POU2AF3: variants seen among roughly 807,000 people sequenced by gnomAD.
POU2AF3 encodes the protein POU class 2 homeobox associating factor 3.
chr11:111,302,774 T>G, the POU2AF3 span, among the ~76,000 whole-genome samples: 14 of 152,202 alleles, frequency 9.2e-5, no homozygotes, highest in Non-Finnish European at 1.5e-4. Flanking sequence ...ACGCATATAA[T>G]TTAATTACAA....
the POU2AF3 span, among the ~76,000 whole-genome samples, chr11:111,303,495 A>C: frequency 6.6e-6 from 1 of 152,204 alleles, no homozygotes; most frequent in Non-Finnish European, 1.5e-5. Context: ...ATCAAGTAGG[A>C]TATTGTAAAC....
the POU2AF3 span, chr11:111,304,896 C>A: frequency 3.3e-6 from 4 of 1,213,920 alleles, no homozygotes; most frequent in Non-Finnish European, 4.1e-6. Flanking sequence ...TTTCTTTCAG[C>A]CTGCTTCACG....
the POU2AF3 span, chr11:111,305,073 G>C: frequency 1.4e-6 from 1 of 718,994 alleles, no homozygotes; most frequent in African/African-American, 1.8e-5. Context: ...GGTTAAGATA[G>C]GCACCACCAT....
At chr11:111,302,862 T>C in the POU2AF3 span, among the ~76,000 whole-genome samples, 1 of 152,170 alleles carries the variant, frequency 6.6e-6, no homozygotes, top group Non-Finnish European at 1.5e-5. Context: ...GCGTACTTAG[T>C]AGGCAAGGGT....
chr11:111,301,357 C>G, the POU2AF3 span, among the ~76,000 whole-genome samples: 1 of 152,190 alleles, frequency 6.6e-6, no homozygotes, highest in East Asian at 1.9e-4. Flanking sequence ...GGCAGCTCAT[C>G]CCTAAAAAGC....
chr11:111,298,573 C>G, the POU2AF3 span: 1 of 1,246,594 alleles, frequency 8.0e-7, no homozygotes. Context: ...CCAGCTCCTG[C>G]TGACCACGAT....
the POU2AF3 span, chr11:111,298,826 G>GCGGGGGGGGGCGC: frequency 1.3e-6 from 1 of 790,962 alleles, no homozygotes; most frequent in Non-Finnish European, 1.7e-6. Flanking sequence ...CGTACCCCAG[G>GCGGGGGGGGGCGC]CCCCCGCCCG....
At chr11:111,299,544 C>T in the POU2AF3 span, 3 of 1,195,094 alleles carry the variant, frequency 2.5e-6, no homozygotes, top group East Asian at 3.4e-5. Context: ...CCACCTCCCG[C>T]GAGCCGGGGC....
the POU2AF3 span, chr11:111,300,496 C>G: frequency 1.5e-4 from 168 of 1,154,368 alleles, no homozygotes; most frequent in Non-Finnish European, 1.8e-4. Context: ...AGACCTTGGA[C>G]TCGACCACTG....
the POU2AF3 span, chr11:111,298,911 G>C: frequency 3.7e-6 from 4 of 1,093,676 alleles, no homozygotes; most frequent in African/African-American, 4.9e-5. Flanking sequence ...GCTACGGGGG[G>C]AGCTAGAGGC....
At chr11:111,304,013 C>T in the POU2AF3 span, among the ~76,000 whole-genome samples, 1 of 151,868 alleles carries the variant, frequency 6.6e-6, no homozygotes, top group Non-Finnish European at 1.5e-5. Flanking sequence ...TATTTAAATA[C>T]AGTAGTTTAA....
At chr11:111,301,474 A>C in the POU2AF3 span, among the ~76,000 whole-genome samples, 848 of 151,020 alleles carry the variant, frequency 5.6e-3, 4 homozygotes, top group Non-Finnish European at 8.5e-3. Flanking sequence ...GCCCATTGGC[A>C]TCTGCCCCAC....
the POU2AF3 span, chr11:111,299,683 T>A: frequency 2.4e-6 from 3 of 1,231,128 alleles, no homozygotes; most frequent in Non-Finnish European, 3.0e-6. Flanking sequence ...CCCCGGAGCC[T>A]CAGTGCGCCT....
the POU2AF3 span, chr11:111,308,360 G>A: frequency 6.4e-7 from 1 of 1,551,712 alleles, no homozygotes; most frequent in Non-Finnish European, 8.7e-7. Flanking sequence ...CACAGACTGT[G>A]TGGACTTTGC....
the POU2AF3 span, among the ~76,000 whole-genome samples, chr11:111,305,276 G>A: frequency 1.3e-5 from 2 of 152,134 alleles, no homozygotes; most frequent in Admixed American, 1.3e-4. Context: ...TACAAAATCA[G>A]AATTGTTCTC....
the POU2AF3 span, among the ~76,000 whole-genome samples, chr11:111,303,422 G>C: frequency 6.2e-4 from 95 of 152,266 alleles, no homozygotes; most frequent in African/African-American, 2.1e-3. Context: ...ATCTAAGAGA[G>C]AGTTGCCTTT....
chr11:111,298,803 C>T, the POU2AF3 span: 1 of 1,206,034 alleles, frequency 8.3e-7, no homozygotes, highest in Non-Finnish European at 1.0e-6. Flanking sequence ...GAGTTGGCCG[C>T]TCCGGACGTC....
chr11:111,300,953 T>G, the POU2AF3 span, among the ~76,000 whole-genome samples: 1 of 152,226 alleles, frequency 6.6e-6, no homozygotes, highest in East Asian at 1.9e-4. Flanking sequence ...AGTGGATATA[T>G]GTACAGCCCT....
At chr11:111,306,676 A>C in the POU2AF3 span, 1 of 1,352,830 alleles carries the variant, frequency 7.4e-7, no homozygotes, top group Non-Finnish European at 1.0e-6. Context: ...ATGGGGTAAT[A>C]GTGCTTTGTG....
Sources: allele counts gnomAD v4.1 joint callset (sites outside exome capture counted in the v4.1 genomes callset), GRCh38; gene constraint gnomAD v4.1.1; transcripts MANE v1.5; gene names NCBI Gene and HGNC (gene_info 2026-07-23, HGNC 2026-07-21).